Variants in LRP4 observed in about 807,000 individuals in gnomAD.
The protein encoded by LRP4 is LDL receptor related protein 4.
Under a neutral mutation model 220.3 loss-of-function variants are expected in LRP4, and 95 were observed. That is an observed-to-expected ratio of 0.43 (90% CI 0.37 to 0.51). The LOEUF (loss-of-function observed/expected upper bound fraction) is 0.51. Ranked by LOEUF, LRP4 falls within the 20% of genes least tolerant of loss-of-function variation. The pLI is 0.00. For missense variants in LRP4, 1,925 were observed against 2,567.0 expected (o/e 0.75, Z 5.40); for synonymous variants, 903 against 954.6 (o/e 0.95, Z 1.00).
chr11:46,868,930 G>C lies in LRP4; in HGVS notation c.4837+58C>G, dbSNP rs915271154. On this transcript the variant is annotated intron_variant, in intron 32 of 37. Coordinates refer to ENST00000378623, the MANE Select transcript of LRP4 (RefSeq NM_002334.4). ...CTGTCTTGGTCCCTAACAGTCCTTG[G>C]GTTGACCGACCAATCCCACAGATGT... 2.1e-5 allele frequency: 34 copies of C among 1,611,550 alleles called. No homozygotes were observed. The Admixed American group carries it at 5.0e-4, about 24-fold the overall frequency.
intron 13 of LRP4, among the ~76,000 whole-genome samples, chr11:46,891,403 C>T (rs1026050727): frequency 9.3e-5 from 14 of 150,736 alleles, no homozygotes; most frequent in Admixed American, 8.7e-4. Context: ...CTTGAGTCAC[C>T]ATGCCCGGCT....
rs1002829413 is a variant in LRP4 at position 46,875,590 on chromosome 11, T to C, written c.3791A>G (p.Tyr1264Cys). ...HPYGLTLLDS[Y>C]IYWTDWQTRS... is the part of the protein sequence containing the mutation. ...AGTCTGCCAGTCAGTCCAGTAGATA[T>C]AGGAGTCGAGCAGGGTGAGGCCATA... The change falls in exon 27 of 38, where the codon TAT (tyrosine) becomes TGT (cysteine). Residue 1264 changes from tyrosine (Y) to cysteine (C), a missense_variant. This residue lies in a region of LRP4 where 1,244 missense variants were observed against 1,624.9 expected (regional missense o/e 0.77). Transcript: ENST00000378623. This position sits in a 1 kb window ranked among gnomAD's most constrained non-coding sequence, Gnocchi z 4.5. The C allele has an allele frequency of 6.2e-7, 1 of 1,613,994 alleles. No individual in the cohort carries two copies. Among genetic ancestry groups the C allele is most frequent in the Non-Finnish European group, 8.5e-7 (1 of 1,179,966 alleles).
intron 3 of LRP4, 69 bp downstream of exon 3, chr11:46,900,193 G>T: frequency 8.1e-7 from 1 of 1,234,882 alleles, no homozygotes; most frequent in Non-Finnish European, 1.2e-6. Context: ...CTGGGGCATT[G>T]CTTTCTGATT....
At chr11:46,917,079 A>G (rs1426985171) in intron 1 of LRP4, among the ~76,000 whole-genome samples, 4 of 152,374 alleles carry the variant, frequency 2.6e-5, no homozygotes, top group Non-Finnish European at 4.4e-5. Flanking sequence ...AATAAGAGAC[A>G]TGAAAACTCT....
chr11:46,859,141 A>G lies in LRP4; in HGVS notation c.5560T>C (p.Ser1854Pro). The change falls in exon 38 of 38, where the codon TCT becomes CCT. Residue 1854 changes from serine (S) to proline (P), a missense_variant. Ser to Pro is a moderately conservative substitution (Grantham distance 74). Coordinates refer to ENST00000378623, the MANE Select transcript of LRP4 (RefSeq NM_002334.4). ...GTCTCTGTGTCATCCAGGGAGCCAG[A>G]GCTGGCCTGGATGGACACCGTGTCT... ...KTDTVSIQASSGSLDDTETEQ... is the reference protein window; with the variant it reads ...KTDTVSIQASPGSLDDTETEQ... 1 of 1,614,122 alleles carries G rather than the reference A, an allele frequency of 6.2e-7. No homozygotes were observed. Among genetic ancestry groups the G allele is most frequent in the Non-Finnish European group, 8.5e-7 (1 of 1,180,012 alleles).
At chr11:46,868,812 C>T (rs1014997002) in intron 32 of LRP4, 99 bp from the exon 33 acceptor site, 64 of 1,239,230 alleles carry the variant, frequency 5.2e-5, no homozygotes, top group Non-Finnish European at 6.3e-5. Flanking sequence ...ACCCTACTCC[C>T]AGGGACAGGG....
intron 37 of LRP4, among the ~76,000 whole-genome samples, chr11:46,861,203 T>G (rs1940536913): frequency 6.6e-6 from 1 of 152,186 alleles, no homozygotes; most frequent in Non-Finnish European, 1.5e-5. Context: ...TAGAAGCTTT[T>G]AAAAAATTTT....
intron 19 of LRP4, among the ~76,000 whole-genome samples, chr11:46,883,471 C>T (rs1941209260): frequency 6.6e-6 from 1 of 152,230 alleles, no homozygotes; most frequent in Non-Finnish European, 1.5e-5. Flanking sequence ...ATTTAACTAG[C>T]CCAACCTATT....
At position 46,873,714 on chromosome 11, in the gene LRP4, G is replaced by A; in HGVS notation, c.4230-121C>T. On this transcript the variant is annotated intron_variant, in intron 28 of 37. Transcript: ENST00000378623. The surrounding 1 kb of genome is among the most constrained non-coding windows in gnomAD (Gnocchi z 4.2). ...TAAGCTCCACAGGGATAGAGACCAG[G>A]TATCTATGAGTACATTCCTCAGCAC... 1 of 694,986 alleles carries A rather than the reference G, an allele frequency of 1.4e-6. No individual in the cohort carries two copies. The highest frequency in any genetic ancestry group is 2.4e-6 in the Non-Finnish European group (1 of 409,172). The allele number at this position is 694,986 out of a possible 1,614,324, so 43.1% of individuals were successfully genotyped here.
intron 1 of LRP4, among the ~76,000 whole-genome samples, chr11:46,917,231 C>A (rs1352014750): frequency 6.6e-6 from 1 of 152,224 alleles, no homozygotes; most frequent in East Asian, 1.9e-4. Context: ...AAAGACCAGG[C>A]AGGGTCTCCA....
rs762425885 is a variant in LRP4, at chr11:46,899,386, C to T, written c.547+1G>A. The T allele has an allele frequency of 1.9e-6, 3 of 1,611,794 alleles. No individual in the cohort carries two copies. Among genetic ancestry groups the T allele is most frequent in the Non-Finnish European group, 2.5e-6 (3 of 1,177,888 alleles). Reference sequence around the variant, plus strand: ...ACAGCCTGAGGTCTGGGGCCACTCACGACAGTTCTCCTCATCGGAGCCATC... The same window carrying T: ...ACAGCCTGAGGTCTGGGGCCACTCATGACAGTTCTCCTCATCGGAGCCATC... On this transcript the variant is annotated splice_donor_variant, in intron 5 of 37. Coordinates refer to ENST00000378623, the MANE Select transcript of LRP4 (RefSeq NM_002334.4). LOFTEE classifies it high-confidence loss of function. This position sits in a 1 kb window ranked among gnomAD's most constrained non-coding sequence, Gnocchi z 5.9.
chr11:46,910,512 A>C (rs1941841338), intron 1 of LRP4, among the ~76,000 whole-genome samples: 1 of 152,180 alleles, frequency 6.6e-6, no homozygotes, highest in East Asian at 1.9e-4. Flanking sequence ...CCACTCCATG[A>C]TTAAGACCTG....
At chr11:46,898,378 G>T (rs1301532912) in intron 7 of LRP4, among the ~76,000 whole-genome samples, 180 bp downstream of exon 7, 1 of 152,170 alleles carries the variant, frequency 6.6e-6, no homozygotes, top group Non-Finnish European at 1.5e-5. Context: ...TAGAGATGGG[G>T]TTTAACCATG....
intron 1 of LRP4, among the ~76,000 whole-genome samples, chr11:46,912,597 T>A (rs578030869): frequency 1.3e-5 from 2 of 152,144 alleles, no homozygotes; most frequent in African/African-American, 2.4e-5. Context: ...AGAGAAGCTG[T>A]CTCTTGTCCT....
chr11:46,876,351 G>T, intron 25 of LRP4, 115 bp downstream of exon 25: 1 of 1,188,400 alleles, frequency 8.4e-7, no homozygotes, highest in Non-Finnish European at 1.3e-6. Flanking sequence ...GAGCCCCAGG[G>T]AGGTCACCTT....
chr11:46,910,691 TGAGG>T (rs1941845257), intron 1 of LRP4, among the ~76,000 whole-genome samples: 2 of 149,896 alleles, frequency 1.3e-5, no homozygotes, highest in East Asian at 2.0e-4. Flanking sequence ...TTTTTTTTTT[TGAGG>T]TGGAGTCTTG....
chr11:46,916,409 C>CAT (rs1941946837), intron 1 of LRP4, among the ~76,000 whole-genome samples: 1 of 152,102 alleles, frequency 6.6e-6, no homozygotes, highest in Admixed American at 6.5e-5. Context: ...CACTGCATTC[C>CAT]AGCCTGGGCA....
chr11:46,905,625 C>T (rs1236722074), intron 1 of LRP4, among the ~76,000 whole-genome samples: 2 of 151,978 alleles, frequency 1.3e-5, no homozygotes, highest in African/African-American at 4.8e-5. Flanking sequence ...CCCAGGTGGG[C>T]GGATCACCTG....
At chr11:46,891,225 T>C (rs924421241) in intron 13 of LRP4, among the ~76,000 whole-genome samples, 1 of 152,136 alleles carries the variant, frequency 6.6e-6, no homozygotes, top group Non-Finnish European at 1.5e-5. Context: ...GTGATTCTCC[T>C]GCCTCAGCCT....
Sources: gnomAD v4.1 joint callset for allele counts (sites outside exome capture counted in the v4.1 genomes callset) on GRCh38, gnomAD v4.1.1 for gene constraint, gnomAD v4.1.1 regional missense constraint, Gnocchi (gnomAD v3.1) non-coding constraint, MANE v1.5 for transcripts, NCBI Gene and HGNC (gene_info 2026-07-23, HGNC 2026-07-21) for gene names.